Variants in SRD5A2 observed in about 807,000 individuals in gnomAD.
SRD5A2 encodes the protein steroid 5 alpha-reductase 2.
SRD5A2 carries 30 observed loss-of-function variants against 27.4 expected under a neutral mutation model. That is an observed-to-expected ratio of 1.10 (90% CI 0.82 to 1.49). SRD5A2 has a LOEUF of 1.49. SRD5A2 is among the 40% of genes most tolerant of loss of function. The pLI is 0.00. For missense variants in SRD5A2, 348 were observed against 323.4 expected (o/e 1.08, Z -0.58); for synonymous variants, 141 against 133.6 (o/e 1.06, Z -0.38).
chr2:31,631,430 T>C, the SRD5A2 span, among the ~76,000 whole-genome samples: 1 of 152,142 alleles, frequency 6.6e-6, no homozygotes, highest in Non-Finnish European at 1.5e-5. Context: ...CTAATGCTTA[T>C]TGGAAAATGA....
the SRD5A2 span, among the ~76,000 whole-genome samples, chr2:31,635,783 G>A: frequency 1.1e-4 from 17 of 150,650 alleles, no homozygotes; most frequent in Middle Eastern, 3.4e-3. Flanking sequence ...TGTAATTTTC[G>A]TAACACAATT....
At chr2:31,603,019 G>T in the SRD5A2 span, among the ~76,000 whole-genome samples, 8 of 151,942 alleles carry the variant, frequency 5.3e-5, no homozygotes, top group Non-Finnish European at 8.8e-5. Context: ...AACATTTCAT[G>T]GTGAAGATGT....
chr2:31,585,014 G>A (rs1667151504), upstream of SRD5A2, among the ~76,000 whole-genome samples: 1 of 152,172 alleles, frequency 6.6e-6, no homozygotes, highest in African/African-American at 2.4e-5. Context: ...ACACATCAAT[G>A]GTGAGGCATT....
At chr2:31,536,064 T>C (rs966418341) in intron 1 of SRD5A2, among the ~76,000 whole-genome samples, 2 of 152,194 alleles carry the variant, frequency 1.3e-5, no homozygotes, top group African/African-American at 4.8e-5. Flanking sequence ...TTAAATAAGA[T>C]GATGCAGGAA....
At chr2:31,536,037 T>C (rs770462092) in intron 1 of SRD5A2, among the ~76,000 whole-genome samples, 7 of 152,182 alleles carry the variant, frequency 4.6e-5, no homozygotes, top group South Asian at 2.1e-4. Context: ...ATGAGAATCA[T>C]TGGATTCCTA....
intron 1 of SRD5A2, among the ~76,000 whole-genome samples, chr2:31,542,096 G>C (rs1194970144): frequency 1.3e-5 from 2 of 152,186 alleles, no homozygotes; most frequent in African/African-American, 4.8e-5. Flanking sequence ...GGGTGGCTAA[G>C]GAAGTGCTTG....
At chr2:31,652,144 C>T in the SRD5A2 span, among the ~76,000 whole-genome samples, 72 of 152,138 alleles carry the variant, frequency 4.7e-4, no homozygotes, top group Non-Finnish European at 9.3e-4. Context: ...TTTGTAGAGA[C>T]GGGGTTTTGC....
chr2:31,581,897 A>G (rs904176662), upstream of SRD5A2, among the ~76,000 whole-genome samples: 3 of 151,346 alleles, frequency 2.0e-5, no homozygotes, highest in Non-Finnish European at 4.4e-5. Context: ...TCCGTTTCCC[A>G]CCTTTATGTT....
In SRD5A2 at chr2:31,580,557, G is replaced by T. The variant is rs1308383264; in HGVS notation, c.281+63C>A. On this transcript the variant is annotated intron_variant, in intron 1 of 4. Coordinates refer to ENST00000622030, the MANE Select transcript of SRD5A2 (RefSeq NM_000348.4). ...TTCCTCGGTGCGCGCTCCACGCTGC[G>T]CTCCTGGACGCCGGGAGCAGGGCAG... The T allele has an allele frequency of 5.6e-6, 8 of 1,427,088 alleles. No homozygotes were observed. The Admixed American group carries it at 1.1e-4, about 20-fold the overall frequency. 88.4% of individuals were successfully genotyped at this position (1,427,088 alleles called of 1,614,324 possible). A position where few individuals can be genotyped will look rare whatever the true frequency, so the allele number is the denominator to read the frequency against.
At chr2:31,558,614 T>G (rs1212884583) in intron 1 of SRD5A2, among the ~76,000 whole-genome samples, 3 of 152,216 alleles carry the variant, frequency 2.0e-5, no homozygotes, top group Non-Finnish European at 4.4e-5. Flanking sequence ...CTAGTCACAT[T>G]GGATTTAGAA....
the SRD5A2 span, among the ~76,000 whole-genome samples, chr2:31,627,220 C>T: frequency 6.6e-6 from 1 of 151,040 alleles, no homozygotes; most frequent in Non-Finnish European, 1.5e-5. Context: ...TTTATGTACC[C>T]ATTTCTTCTA....
chr2:31,633,525 T>C, the SRD5A2 span, among the ~76,000 whole-genome samples: 1 of 152,186 alleles, frequency 6.6e-6, no homozygotes, highest in Non-Finnish European at 1.5e-5. Context: ...TAAATCATTC[T>C]TCAAATGGAG....
At position 31,525,939 on chromosome 2, in the gene SRD5A2, T is replaced by G; in HGVS notation, c.*257A>C. Reference sequence around the variant, plus strand: ...AGAAGTTTGTACTTTCTCAGAGCAATAGCTAAGAAGCAACTGTCGCCATTT... The same window carrying G: ...AGAAGTTTGTACTTTCTCAGAGCAAGAGCTAAGAAGCAACTGTCGCCATTT... On this transcript the variant is annotated 3_prime_UTR_variant, in exon 5 of 5. Coordinates refer to ENST00000622030, the MANE Select transcript of SRD5A2 (RefSeq NM_000348.4). 2.6e-6 allele frequency: 1 copy of G among 388,918 alleles called. No individual in the cohort carries two copies. Among genetic ancestry groups the G allele is most frequent in the South Asian group, 6.2e-5 (1 of 16,172 alleles). 24.1% of individuals were successfully genotyped at this position (388,918 alleles called of 1,614,324 possible).
At chr2:31,650,603 T>C in the SRD5A2 span, among the ~76,000 whole-genome samples, 1 of 152,208 alleles carries the variant, frequency 6.6e-6, no homozygotes, top group Non-Finnish European at 1.5e-5. Context: ...TTCCACCATA[T>C]AAAATTCCAG....
chr2:31,570,807 T>G (rs1020871782), intron 1 of SRD5A2, among the ~76,000 whole-genome samples: 2 of 152,112 alleles, frequency 1.3e-5, no homozygotes, highest in African/African-American at 4.8e-5. Flanking sequence ...TACCTAGGAA[T>G]ACAACTAACC....
At chr2:31,632,479 T>G in the SRD5A2 span, among the ~76,000 whole-genome samples, 1 of 152,212 alleles carries the variant, frequency 6.6e-6, no homozygotes, top group Non-Finnish European at 1.5e-5. Context: ...CAGAAGCCAC[T>G]AACCAGATGA....
the SRD5A2 span, among the ~76,000 whole-genome samples, chr2:31,635,621 A>G: frequency 2.0e-5 from 3 of 152,082 alleles, no homozygotes; most frequent in African/African-American, 7.2e-5. Context: ...TATGCCAAAA[A>G]AATCTTTGCC....
intron 2 of SRD5A2, among the ~76,000 whole-genome samples, chr2:31,532,361 TCACACACACACACACACACA>T (rs35752905): frequency 7.0e-6 from 1 of 143,704 alleles, no homozygotes; most frequent in Non-Finnish European, 1.5e-5. Flanking sequence ...CACTGCCAGT[TCACACACACACACACACACA>T]CACACACACA....
chr2:31,561,476 A>T (rs938982030), intron 1 of SRD5A2, among the ~76,000 whole-genome samples: 1 of 152,162 alleles, frequency 6.6e-6, no homozygotes, highest in Non-Finnish European at 1.5e-5. Flanking sequence ...TAATGGTCCT[A>T]ATCTGGCAGA....
Sources: gnomAD v4.1 joint callset for allele counts (sites outside exome capture counted in the v4.1 genomes callset) on GRCh38, gnomAD v4.1.1 for gene constraint, MANE v1.5 for transcripts, NCBI Gene and HGNC (gene_info 2026-07-23, HGNC 2026-07-21) for gene names.